The following CSMD1 variants were observed in gnomAD, a reference collection of about 807,000 sequenced individuals.
The protein encoded by CSMD1 is CUB and Sushi multiple domains 1.
In CSMD1, 213 loss-of-function variants were observed where a neutral mutation model predicts 417.5. The ratio of observed to expected loss-of-function variants is 0.51; its 90% CI spans 0.46 to 0.57. CSMD1 has a LOEUF of 0.57. Ranked by LOEUF, CSMD1 falls within the 20% of genes least tolerant of loss-of-function variation. CSMD1 has a pLI of 0.00. For synonymous variants in CSMD1, 2,862 were observed against 1,736.8 expected (o/e 1.65, Z -16.11); for missense variants, 6,923 against 4,529.7 (o/e 1.53, Z -15.17).
At chr8:4,533,303 G>C (rs763943454) in intron 2 of CSMD1, among the ~76,000 whole-genome samples, 6 of 152,164 alleles carry the variant, frequency 3.9e-5, no homozygotes, top group Non-Finnish European at 7.3e-5. Context: ...AAGCCAAGTT[G>C]TCATGACACA....
At chr8:4,859,315 A>G (rs530967248) in intron 1 of CSMD1, among the ~76,000 whole-genome samples, 84 of 152,346 alleles carry the variant, frequency 5.5e-4, no homozygotes, top group African/African-American at 1.9e-3. Flanking sequence ...TAAATAACCT[A>G]GAAGAAAACC....
intron 33 of CSMD1, among the ~76,000 whole-genome samples, chr8:3,199,482 C>T (rs1252087998): frequency 2.6e-5 from 4 of 151,924 alleles, no homozygotes; most frequent in Non-Finnish European, 4.4e-5. Flanking sequence ...CTTCTAGTGC[C>T]TGATAAATTA....
intron 2 of CSMD1, among the ~76,000 whole-genome samples, chr8:4,524,051 C>G (rs185258313): frequency 3.4e-4 from 52 of 152,150 alleles, no homozygotes; most frequent in African/African-American, 1.2e-3. Context: ...GGTAAATCCT[C>G]CCTGTGTTTT....
chr8:4,959,144 A>G (rs1479773876), intron 1 of CSMD1, among the ~76,000 whole-genome samples: 1 of 152,208 alleles, frequency 6.6e-6, no homozygotes, highest in African/African-American at 2.4e-5. Context: ...AGAATTTGGA[A>G]AGAAATTGCA....
At chr8:3,526,317 A>AT (rs59664767) in intron 10 of CSMD1, among the ~76,000 whole-genome samples, 2,732 of 150,148 alleles carry the variant, frequency 0.018, 68 homozygotes, top group African/African-American at 0.058. Context: ...TTTAAAATAT[A>AT]TTTTTTTTTT....
At position 4,661,959 on chromosome 8, in the gene CSMD1, G is replaced by A. The variant is rs1045788270; in HGVS notation, c.86-24401C>T. On this transcript the variant is annotated intron_variant, in intron 1 of 69. Transcript: ENST00000635120. ...TATTGACAGTTTCTACATAGTTACA[G>A]AGTTATTACAACATATTCAATATAA... 3.4e-4 allele frequency among the ~76,000 whole-genome samples: 52 copies of A among 152,210 alleles called. 1 individual carries two copies. The highest frequency in any genetic ancestry group is 2.0e-3 in the Admixed American group (30 of 15,296).
chr8:4,017,414 T>G (rs1040587053), intron 4 of CSMD1, among the ~76,000 whole-genome samples: 27 of 152,152 alleles, frequency 1.8e-4, no homozygotes, highest in Non-Finnish European at 2.9e-5. Context: ...CAATCGATTC[T>G]CCTGCCTCAC....
intron 3 of CSMD1, among the ~76,000 whole-genome samples, chr8:4,071,065 T>C (rs1199143803): frequency 6.6e-6 from 1 of 152,180 alleles, no homozygotes; most frequent in African/African-American, 2.4e-5. Context: ...GTGGTGTACA[T>C]GGTTATGGTT....
intron 50 of CSMD1, among the ~76,000 whole-genome samples, chr8:3,044,445 T>G (rs1811304052): frequency 1.3e-5 from 2 of 152,190 alleles, no homozygotes; most frequent in Admixed American, 6.6e-5. Context: ...ATTTAGTTTT[T>G]CACTGGAAGG....
chr8:3,727,404 C>T (rs1272557950), intron 6 of CSMD1, among the ~76,000 whole-genome samples: 3 of 152,124 alleles, frequency 2.0e-5, no homozygotes, highest in Non-Finnish European at 4.4e-5. Context: ...CAAGTGGATA[C>T]CTCAGCTCAG....
intron 7 of CSMD1, among the ~76,000 whole-genome samples, chr8:3,705,997 G>C (rs1419156891): frequency 1.3e-5 from 2 of 152,236 alleles, no homozygotes; most frequent in Admixed American, 6.5e-5. Flanking sequence ...GTCTCCTACA[G>C]ATGGTAAAGG....
At chr8:4,456,449 A>T (rs979352525) in intron 2 of CSMD1, among the ~76,000 whole-genome samples, 1 of 152,214 alleles carries the variant, frequency 6.6e-6, no homozygotes, top group Non-Finnish European at 1.5e-5. Context: ...TGTTAAGAGT[A>T]TTCTTAACGA....
At chr8:3,627,887 C>T (rs1045117460) in intron 7 of CSMD1, among the ~76,000 whole-genome samples, 4 of 152,054 alleles carry the variant, frequency 2.6e-5, no homozygotes, top group African/African-American at 7.2e-5. Flanking sequence ...TCACTTTTGA[C>T]CTTTAGGAGA....
At chr8:4,696,868 G>C (rs919388470) in intron 1 of CSMD1, among the ~76,000 whole-genome samples, 8 of 152,182 alleles carry the variant, frequency 5.3e-5, no homozygotes, top group African/African-American at 1.7e-4. Context: ...TAAAGCTCTT[G>C]AAACTATGAA....
intron 2 of CSMD1, among the ~76,000 whole-genome samples, chr8:4,472,742 G>A (rs1800605681): frequency 6.6e-6 from 1 of 151,864 alleles, no homozygotes; most frequent in Non-Finnish European, 1.5e-5. Flanking sequence ...CATAACTGTG[G>A]ACGTTCACTT....
intron 3 of CSMD1, among the ~76,000 whole-genome samples, chr8:4,212,462 A>G (rs1167132542): frequency 2.0e-5 from 3 of 152,024 alleles, no homozygotes; most frequent in African/African-American, 7.2e-5. Flanking sequence ...TGTACTTAAC[A>G]TTTGTCCTTT....
chr8:4,075,927 T>C (rs1232277573), intron 3 of CSMD1, among the ~76,000 whole-genome samples: 1 of 152,146 alleles, frequency 6.6e-6, no homozygotes, highest in Non-Finnish European at 1.5e-5. Flanking sequence ...ACTTTATATA[T>C]ACTAAGAAAA....
chr8:3,484,359 C>G (rs1817907629), intron 11 of CSMD1, among the ~76,000 whole-genome samples: 1 of 152,198 alleles, frequency 6.6e-6, no homozygotes, highest in Admixed American at 6.5e-5. Context: ...ACAAATGCTA[C>G]TGAACAGTTG....
intron 18 of CSMD1, among the ~76,000 whole-genome samples, chr8:3,371,561 G>C (rs1006793091): frequency 2.0e-5 from 3 of 151,512 alleles, no homozygotes; most frequent in Admixed American, 2.0e-4. Flanking sequence ...GAACTATCAT[G>C]AAGTAAATGA....
Sources: allele counts gnomAD v4.1 joint callset (sites outside exome capture counted in the v4.1 genomes callset), GRCh38; gene constraint gnomAD v4.1.1; transcripts MANE v1.5; gene names NCBI Gene and HGNC (gene_info 2026-07-23, HGNC 2026-07-21).